Variants in USP9Y observed in about 807,000 individuals in gnomAD.
USP9Y encodes ubiquitin carboxyl-terminal hydrolase 9Y.
A neutral mutation model predicts 53.1 loss-of-function variants in USP9Y; 41 were observed. The ratio of observed to expected loss-of-function variants is 0.77; its 90% CI spans 0.60 to 1.00. USP9Y has a LOEUF of 1.00. USP9Y is among the 50% of genes least tolerant of loss of function. USP9Y has a pLI of 0.00. For missense variants in USP9Y, 567 were observed against 535.8 expected (o/e 1.06, Z -0.58); for synonymous variants, 220 against 173.7 (o/e 1.27, Z -2.09).
intron 37 of USP9Y, 149 bp downstream of exon 37, chrY:12,841,282 A>G: frequency 7.1e-6 from 1 of 140,843 alleles, no homozygotes; most frequent in Non-Finnish European, 1.2e-5. Context: ...GATAAATTAA[A>G]TGTGCCTTTA....
At chrY:12,755,091 C>A in intron 12 of USP9Y, among the ~76,000 whole-genome samples, 2 of 30,586 alleles carry the variant, frequency 6.5e-5, no homozygotes, top group African/African-American at 1.3e-4. Flanking sequence ...ATTAAAATAG[C>A]TTTTCTACTT....
intron 22 of USP9Y, among the ~76,000 whole-genome samples, chrY:12,784,616 T>TC (rs2053500219): frequency 3.0e-5 from 1 of 33,567 alleles, no homozygotes; most frequent in African/African-American, 1.2e-4. Flanking sequence ...ATCTTTTTTT[T>TC]CTTCTATTAA....
chrY:12,758,182 A>G (rs2053471150), intron 13 of USP9Y, among the ~76,000 whole-genome samples: 1 of 33,575 alleles, frequency 3.0e-5, no homozygotes, highest in African/African-American at 1.2e-4. Flanking sequence ...AACTCAATGA[A>G]ATGCAGTAGC....
intron 15 of USP9Y, among the ~76,000 whole-genome samples, chrY:12,767,606 CTGTGTGTGTG>C (rs199662654): frequency 3.8e-5 from 1 of 26,606 alleles, no homozygotes; most frequent in African/African-American, 1.5e-4. Context: ...GTGTGTGTAT[CTGTGTGTGTG>C]TGTGTGTGTG....
intron 22 of USP9Y, among the ~76,000 whole-genome samples, chrY:12,780,155 A>T: frequency 5.9e-5 from 2 of 33,906 alleles, no homozygotes; most frequent in South Asian, 1.3e-3. Flanking sequence ...TTTTAACACA[A>T]TGTGAAAATA....
At chrY:12,782,825 A>G in intron 22 of USP9Y, among the ~76,000 whole-genome samples, 1 of 33,863 alleles carries the variant, frequency 3.0e-5, no homozygotes, top group Non-Finnish European at 7.4e-5. Context: ...CTGAAAATCC[A>G]TTTACTGTAG....
At chrY:12,800,059 G>T in intron 27 of USP9Y, among the ~76,000 whole-genome samples, 1 of 33,434 alleles carries the variant, frequency 3.0e-5, no homozygotes. Flanking sequence ...CACCCCTCCA[G>T]ATCTGGCAGG....
Position 12,773,701 on chromosome Y carries a change from T to G in USP9Y, c.2107T>G (p.Ser703Ala). Reference protein sequence around the residue: ...CDREACFKWYSKLMGDEPDLD... With the variant: ...CDREACFKWYAKLMGDEPDLD... ...TCGTGAAGCCTGTTTTAAGTGGTAT[T>G]CCAAGTTAATGGGGGATGAACCAGA... The change falls in exon 17 of 46, where the codon TCC becomes GCC. Residue 703 changes from serine to alanine, a missense_variant. Transcript: ENST00000338981. 2.5e-6 allele frequency: 1 copy of G among 396,707 alleles called. No homozygotes were observed. The highest frequency in any genetic ancestry group is 3.0e-5 in the South Asian group (1 of 33,593).
In USP9Y at chrY:12,816,150, T is replaced by A; in HGVS notation, c.4636T>A (p.Tyr1546Asn). 2.5e-6 allele frequency: 1 copy of A among 398,731 alleles called. No individual in the cohort carries two copies. The highest frequency in any genetic ancestry group is 3.5e-6 in the Non-Finnish European group (1 of 283,534). The change falls in exon 32 of 46, where the codon TAT (tyrosine) becomes AAT (asparagine). Residue 1546 changes from tyrosine (Y) to asparagine (N), a missense_variant. Tyr to Asn is a moderately radical substitution (Grantham distance 143). Transcript: ENST00000338981. ...TTCEALTEWE[Y>N]LPPVGPRPPK... Reference sequence around the variant, plus strand: ...TTGTGAAGCACTTACTGAGTGGGAATATCTGCCCCCTGTTGGACCCCGCCC... The same window carrying A: ...TTGTGAAGCACTTACTGAGTGGGAAAATCTGCCCCCTGTTGGACCCCGCCC...
At chrY:12,725,274 T>C (rs760322714) in intron 6 of USP9Y, 49 bp downstream of exon 6, 30 of 295,013 alleles carry the variant, frequency 1.0e-4, no homozygotes, top group South Asian at 9.7e-4. Context: ...TGGTGATTCC[T>C]GTGGATTTGT....
intron 42 of USP9Y, among the ~76,000 whole-genome samples, chrY:12,848,642 T>A: frequency 6.0e-5 from 2 of 33,495 alleles, no homozygotes; most frequent in Non-Finnish European, 1.5e-4. Flanking sequence ...GTATAAGGTG[T>A]AAGGAAGGGA....
intron 5 of USP9Y, among the ~76,000 whole-genome samples, chrY:12,723,322 T>A: frequency 3.2e-5 from 1 of 31,407 alleles, no homozygotes; most frequent in South Asian, 7.1e-4. Context: ...ATAAAATTCA[T>A]GGATGAGCCA....
chrY:12,778,802 C>A lies in USP9Y; in HGVS notation c.3030+47C>A, dbSNP rs758034269. On this transcript the variant is annotated intron_variant, in intron 21 of 45. Transcript: ENST00000338981. ...ATATGAAGAAATGTGTAGAATAGTTCTTTTTCTGAGGAGCTTCATAGATTT... is the reference window on the plus strand; with the variant it reads ...ATATGAAGAAATGTGTAGAATAGTTATTTTTCTGAGGAGCTTCATAGATTT... The A allele has an allele frequency of 4.3e-5, 15 of 345,361 alleles. No individual in the cohort carries two copies. The South Asian group carries it at 4.7e-4, about 11-fold the overall frequency. 86.1% of individuals were successfully genotyped at this position (345,361 alleles called of 400,897 possible).
At chrY:12,722,084 T>G in intron 4 of USP9Y, 24 bp from the exon 5 acceptor site, 3 of 375,124 alleles carry the variant, frequency 8.0e-6, no homozygotes, top group Non-Finnish European at 1.1e-5. Flanking sequence ...GTAAAGCCTC[T>G]TTTTGTTTTA....
chrY:12,730,437 T>C, intron 7 of USP9Y, among the ~76,000 whole-genome samples: 1 of 32,152 alleles, frequency 3.1e-5, no homozygotes, highest in Non-Finnish European at 7.5e-5. Context: ...TGCTTCATAT[T>C]AGCAAAACGT....
At chrY:12,814,527 CAAAAAAAAAAA>C (rs781072709) in intron 31 of USP9Y, among the ~76,000 whole-genome samples, 2 of 1,301 alleles carry the variant, frequency 1.5e-3, no homozygotes, top group East Asian at 0.017. Flanking sequence ...GACTCCGTCT[CAAAAAAAAAAA>C]AAAAAAAAAA....
intron 14 of USP9Y, 59 bp from the exon 15 acceptor site, chrY:12,760,425 C>G: frequency 2.6e-6 from 1 of 383,035 alleles, no homozygotes; most frequent in South Asian, 3.0e-5. Context: ...TCTGTAAACT[C>G]TCTTAATTAT....
Position 12,755,946 on chromosome Y carries a change from ATTACTGC to A in USP9Y, c.1423-1244_1423-1238del, listed in dbSNP as rs2053467865. On this transcript the variant is annotated intron_variant, in intron 12 of 45. Transcript: ENST00000338981. Reference sequence around the variant, plus strand: ...TTAACACTCGAAGGGGGTGTTCCTTATTACTGCTATGTGGGGGGGAATTTCTGACCCC... The same window carrying A: ...TTAACACTCGAAGGGGGTGTTCCTTATATGTGGGGGGGAATTTCTGACCCC... 2.1e-4 allele frequency among the ~76,000 whole-genome samples: 7 copies of A among 32,858 alleles called. No homozygotes were observed. The East Asian group carries it at 5.7e-3, about 27-fold the overall frequency. 88.2% of individuals were successfully genotyped at this position (32,858 alleles called of 37,273 possible).
chrY:12,709,599 G>A, intron 3 of USP9Y, 56 bp downstream of exon 3: 1 of 274,872 alleles, frequency 3.6e-6, no homozygotes, highest in Admixed American at 8.2e-5. Flanking sequence ...TGTGAAACAT[G>A]TCCTGAATGA....
Sources: allele counts gnomAD v4.1 joint callset (sites outside exome capture counted in the v4.1 genomes callset), GRCh38; gene constraint gnomAD v4.1.1; transcripts MANE v1.5; gene names NCBI Gene and HGNC (gene_info 2026-07-23, HGNC 2026-07-21).